Variants in FARS2 observed in about 807,000 individuals in gnomAD.
FARS2 encodes phenylalanyl-tRNA synthetase 2, mitochondrial.
Under a neutral mutation model 46.4 loss-of-function variants are expected in FARS2, and 40 were observed. The ratio of observed to expected loss-of-function variants is 0.86; its 90% CI spans 0.67 to 1.12. The LOEUF is 1.12. FARS2 is among the 50% of genes most tolerant of loss of function. The probability of loss-of-function intolerance (pLI) is 0.00; values close to 1 mark genes in which losing one functional copy is unlikely to be tolerated. For synonymous variants in FARS2, 234 were observed against 214.9 expected (o/e 1.09, Z -0.78); for missense variants, 513 against 567.9 (o/e 0.90, Z 0.98).
At chr6:5,299,035 A>G (rs978074793) in intron 1 of FARS2, among the ~76,000 whole-genome samples, 22 of 152,176 alleles carry the variant, frequency 1.4e-4, no homozygotes, top group Non-Finnish European at 2.2e-4. Context: ...TTTATATTGA[A>G]ATGATATAGT....
chr6:5,533,640 G>A (rs549471511), intron 4 of FARS2, among the ~76,000 whole-genome samples: 60 of 152,178 alleles, frequency 3.9e-4, no homozygotes, highest in Non-Finnish European at 7.3e-4. Context: ...AGGCTGTAGC[G>A]TATTAGAAGA....
At chr6:5,702,868 T>TG (rs1222918943) in intron 6 of FARS2, among the ~76,000 whole-genome samples, 1 of 152,110 alleles carries the variant, frequency 6.6e-6, no homozygotes, top group East Asian at 1.9e-4. Flanking sequence ...GACAGGGTCT[T>TG]GGGGGGACTT....
chr6:5,584,675 TG>T (rs1460053633), intron 5 of FARS2, among the ~76,000 whole-genome samples: 2 of 152,202 alleles, frequency 1.3e-5, no homozygotes, highest in African/African-American at 4.8e-5. Context: ...TTTATCAGCA[TG>T]TTTTTTTTTA....
intron 4 of FARS2, among the ~76,000 whole-genome samples, chr6:5,538,490 G>A (rs1770360006): frequency 6.6e-6 from 1 of 152,058 alleles, no homozygotes; most frequent in African/African-American, 2.4e-5. Context: ...GCTCCGATGG[G>A]GCCAAAGTAA....
chr6:5,578,914 T>C, intron 5 of FARS2, among the ~76,000 whole-genome samples: 1 of 152,148 alleles, frequency 6.6e-6, no homozygotes, highest in Non-Finnish European at 1.5e-5. Context: ...TACTGCCTTA[T>C]GACATTTCTC....
intron 2 of FARS2, among the ~76,000 whole-genome samples, chr6:5,402,613 G>A (rs1761325989): frequency 6.6e-6 from 1 of 152,122 alleles, no homozygotes; most frequent in Non-Finnish European, 1.5e-5. Context: ...TTAGAGAATG[G>A]TTTTGTAAAT....
chr6:5,252,685 G>C, the FARS2 span, among the ~76,000 whole-genome samples: 1 of 152,092 alleles, frequency 6.6e-6, no homozygotes, highest in Non-Finnish European at 1.5e-5. Context: ...TAAACGTAAT[G>C]AAGTTTTGGT....
At chr6:5,605,402 A>G (rs953889820) in intron 5 of FARS2, among the ~76,000 whole-genome samples, 2 of 152,186 alleles carry the variant, frequency 1.3e-5, no homozygotes, top group African/African-American at 4.8e-5. Context: ...AGCCTATAGA[A>G]AGCTTTGATC....
chr6:5,476,769 C>A (rs966300477), intron 4 of FARS2, among the ~76,000 whole-genome samples: 3 of 152,030 alleles, frequency 2.0e-5, no homozygotes, highest in Non-Finnish European at 4.4e-5. Flanking sequence ...ATGTGACAAA[C>A]CTAACAGGAC....
intron 5 of FARS2, among the ~76,000 whole-genome samples, chr6:5,607,137 G>T (rs867836451): frequency 3.3e-5 from 5 of 152,262 alleles, no homozygotes; most frequent in Admixed American, 1.3e-4. Context: ...TGTTTTACCT[G>T]TGATTTTGTT....
intron 6 of FARS2, among the ~76,000 whole-genome samples, chr6:5,715,785 T>C (rs1759457308): frequency 6.6e-6 from 1 of 152,248 alleles, no homozygotes; most frequent in Admixed American, 6.5e-5. Context: ...CATTTATATG[T>C]GTTTTTCTGT....
chr6:5,271,564 T>TG (rs1765949500), intron 1 of FARS2, among the ~76,000 whole-genome samples: 1 of 143,480 alleles, frequency 7.0e-6, no homozygotes, highest in Non-Finnish European at 1.5e-5. Flanking sequence ...ATGTCTGTTT[T>TG]TTTTTTTTTT....
intron 5 of FARS2, among the ~76,000 whole-genome samples, chr6:5,572,525 G>T (rs978691105): frequency 6.6e-6 from 1 of 152,092 alleles, no homozygotes; most frequent in Non-Finnish European, 1.5e-5. Flanking sequence ...TAGTAAGAAA[G>T]AGATCGATGA....
intron 1 of FARS2, among the ~76,000 whole-genome samples, chr6:5,323,087 A>AT (rs887161760): frequency 9.9e-5 from 15 of 152,226 alleles, no homozygotes; most frequent in Non-Finnish European, 1.6e-4. Flanking sequence ...GGTTTTAATC[A>AT]TTTTTTTATT....
chr6:5,299,401 T>C (rs769622492), intron 1 of FARS2, among the ~76,000 whole-genome samples: 2 of 152,248 alleles, frequency 1.3e-5, no homozygotes, highest in Non-Finnish European at 2.9e-5. Context: ...GAATGCTTTG[T>C]CTGAGCCCCT....
chr6:5,275,874 C>T (rs1400953163), intron 1 of FARS2, among the ~76,000 whole-genome samples: 2 of 151,124 alleles, frequency 1.3e-5, no homozygotes, highest in East Asian at 2.0e-4. Context: ...TTATCTCTTG[C>T]GTTACGATAT....
At position 5,645,881 on chromosome 6, in the gene FARS2, C is replaced by T. The variant is rs1163373457; in HGVS notation, c.1217+32561C>T. Among the ~76,000 whole-genome samples, 7 of 152,312 alleles carry T rather than the reference C, an allele frequency of 4.6e-5. No individual in the cohort carries two copies. The Middle Eastern group carries it at 0.014, about 296-fold the overall frequency. ...TCAACAAAGAACCTTTTCAGTGTTA[C>T]CATTTTTAGTGCCATGTGGCAATTG... is the stretch of plus-strand genomic sequence containing the variant. On this transcript the variant is annotated intron_variant, in intron 6 of 6. Transcript: ENST00000274680.
intron 1 of FARS2, among the ~76,000 whole-genome samples, chr6:5,272,185 G>C (rs376466080): frequency 6.6e-6 from 1 of 152,140 alleles, no homozygotes. Context: ...ACAAGATCAC[G>C]ATTTTCGTTA....
intron 1 of FARS2, among the ~76,000 whole-genome samples, chr6:5,301,703 C>A (rs1470536270): frequency 6.6e-6 from 1 of 151,758 alleles, no homozygotes; most frequent in Non-Finnish European, 1.5e-5. Flanking sequence ...GGAGTGGCAA[C>A]TAATATCAAA....
Sources: gnomAD v4.1 joint callset for allele counts (sites outside exome capture counted in the v4.1 genomes callset) on GRCh38, gnomAD v4.1.1 for gene constraint, MANE v1.5 for transcripts, NCBI Gene and HGNC (gene_info 2026-07-23, HGNC 2026-07-21) for gene names.